Variants in PADI4 observed in about 807,000 individuals in gnomAD.
PADI4 encodes protein-arginine deiminase type-4.
A neutral mutation model predicts 75.0 loss-of-function variants in PADI4; 62 were observed. The observed-to-expected ratio is 0.83, with a 90% CI of 0.67 to 1.02. PADI4 has a LOEUF of 1.02. PADI4 is among the 50% of genes least tolerant of loss of function. PADI4 has a pLI of 0.00. For missense variants in PADI4, 845 were observed against 850.5 expected (o/e 0.99, Z 0.08); for synonymous variants, 361 against 348.1 (o/e 1.04, Z -0.41).
chr1:17,335,945 G>T (rs1005926770), intron 3 of PADI4, among the ~76,000 whole-genome samples: 1 of 152,240 alleles, frequency 6.6e-6, no homozygotes. Context: ...GTGGTCAGAG[G>T]CCCCAGCTCT....
Position 17,363,928 on chromosome 1 carries a change from A to C in PADI4, c.*173A>C. The C allele has an allele frequency of 1.7e-6, 1 of 582,276 alleles. No homozygotes were observed. Among genetic ancestry groups the C allele is most frequent in the Non-Finnish European group, 3.1e-6 (1 of 321,948 alleles). The allele number at this position is 582,276 out of a possible 1,614,324, so 36.1% of individuals were successfully genotyped here. On this transcript the variant is annotated 3_prime_UTR_variant, in exon 16 of 16. Transcript: ENST00000375448. ...CCAGTTTCCCACTCTGAAGATCCCA[A>C]CATGGTCCTAGCACTGCACACTCAG...
Position 17,346,189 on chromosome 1 carries a change from A to C in PADI4, c.1047+50A>C. The C allele has an allele frequency of 8.0e-7, 1 of 1,243,106 alleles. No individual in the cohort carries two copies. The highest frequency in any genetic ancestry group is 1.2e-5 in the South Asian group (1 of 82,278). 77.0% of individuals were successfully genotyped at this position (1,243,106 alleles called of 1,614,324 possible). A position where few individuals can be genotyped will look rare whatever the true frequency, so the allele number is the denominator to read the frequency against. On this transcript the variant is annotated intron_variant, in intron 9 of 15. Coordinates refer to ENST00000375448, the MANE Select transcript of PADI4 (RefSeq NM_012387.3). The surrounding 1 kb of genome is among the most constrained non-coding windows in gnomAD (Gnocchi z 4.3). ...GGTGACTGTCCCTGAGGGCCAAGAG[A>C]CACTTGGGGGACCCGGGCTCCTGGG...
intron 1 of PADI4, among the ~76,000 whole-genome samples, chr1:17,316,724 A>AT (rs1207454621): frequency 6.7e-6 from 1 of 148,966 alleles, no homozygotes; most frequent in African/African-American, 2.5e-5. Flanking sequence ...TTAATTAATT[A>AT]ATTAATTAAA....
Position 17,322,493 on chromosome 1 carries a change from C to CAAAAA in PADI4, c.93-8471_93-8467dup, listed in dbSNP as rs1553143295. 5.4e-3 allele frequency among the ~76,000 whole-genome samples: 811 copies of CAAAAA among 149,602 alleles called. 9 individuals are homozygous for CAAAAA. Among genetic ancestry groups the CAAAAA allele is most frequent in the African/African-American group, 0.019 (779 of 40,678 alleles). On this transcript the variant is annotated intron_variant, in intron 1 of 15. Coordinates refer to ENST00000375448, the MANE Select transcript of PADI4 (RefSeq NM_012387.3). The stretch of plus-strand genomic sequence containing the variant: ...GACAGAGTGAGACTCCATCCCCCCC[C>CAAAAA]AAAAAAAAAGATAAGCTATAAATGT...
chr1:17,339,665 A>C, intron 5 of PADI4, 23 bp from the exon 6 acceptor site: 1 of 1,613,178 alleles, frequency 6.2e-7, no homozygotes, highest in Non-Finnish European at 8.5e-7. Context: ...CCTGTGACTC[A>C]GGCAATGCCC....
intron 1 of PADI4, among the ~76,000 whole-genome samples, chr1:17,309,005 T>C (rs1167405044): frequency 6.6e-6 from 1 of 152,042 alleles, no homozygotes; most frequent in Non-Finnish European, 1.5e-5. Context: ...AAATGCTGAG[T>C]GCCATGCTCT....
chr1:17,329,062 T>C (rs1360564189), intron 1 of PADI4, among the ~76,000 whole-genome samples: 1 of 147,928 alleles, frequency 6.8e-6, no homozygotes, highest in Non-Finnish European at 1.5e-5. Flanking sequence ...ATTAATAAAA[T>C]ATTAATATTA....
chr1:17,337,735 T>C (rs1206858277), intron 4 of PADI4, among the ~76,000 whole-genome samples: 1 of 151,700 alleles, frequency 6.6e-6, no homozygotes, highest in East Asian at 2.0e-4. Flanking sequence ...GCCAACATGG[T>C]GAAATCCCAT....
Position 17,347,920 on chromosome 1 carries a change from C to G in PADI4, c.1048-21C>G, listed in dbSNP as rs184097803. On this transcript the variant is annotated intron_variant, in intron 9 of 15. Coordinates refer to ENST00000375448, the MANE Select transcript of PADI4 (RefSeq NM_012387.3). ...ACCCAGGCAGCACGCGCAACAGCCTCCTCTCCACTCACTCCCACAGGATGA... is the reference window on the plus strand; with the variant it reads ...ACCCAGGCAGCACGCGCAACAGCCTGCTCTCCACTCACTCCCACAGGATGA... 146 of 1,462,188 alleles carry G rather than the reference C, an allele frequency of 1.0e-4. 2 individuals carry two copies. In the African/African-American group the frequency reaches 1.7e-3, roughly 17 times the overall value. 90.6% of individuals were successfully genotyped at this position (1,462,188 alleles called of 1,614,324 possible).
At chr1:17,332,910 G>C (rs2074240062) in intron 2 of PADI4, among the ~76,000 whole-genome samples, 1 of 152,148 alleles carries the variant, frequency 6.6e-6, no homozygotes, top group Admixed American at 6.5e-5. Flanking sequence ...GTTTGACACA[G>C]AGGGGCAGGC....
chr1:17,340,651 G>C (rs1192187158), intron 6 of PADI4, among the ~76,000 whole-genome samples: 1 of 151,976 alleles, frequency 6.6e-6, no homozygotes, highest in African/African-American at 2.4e-5. Context: ...AGGGCAGAGG[G>C]GAAGGGGGAG....
At chr1:17,360,926 A>G (rs1454472892) in intron 15 of PADI4, among the ~76,000 whole-genome samples, 2 of 147,616 alleles carry the variant, frequency 1.4e-5, no homozygotes, top group Non-Finnish European at 3.0e-5. Flanking sequence ...CGTGGCCCCT[A>G]AGTGCTGTCT....
intron 3 of PADI4, chr1:17,334,895 G>T (rs12131500): frequency 0.14 from 35,658 of 252,190 alleles, 2,895 homozygotes; most frequent in African/African-American, 0.24. Flanking sequence ...CAATCCCAGC[G>T]CTTTGGAAGG....
intron 2 of PADI4, among the ~76,000 whole-genome samples, chr1:17,331,530 G>T (rs549730169): frequency 1.3e-5 from 2 of 152,342 alleles, no homozygotes; most frequent in South Asian, 2.1e-4. Context: ...AATTGCAAAT[G>T]ATACTGAGTT....
chr1:17,328,644 C>G (rs1352895266), intron 1 of PADI4, among the ~76,000 whole-genome samples: 1 of 102,282 alleles, frequency 9.8e-6, no homozygotes, highest in Non-Finnish European at 2.2e-5. Context: ...GAGACCCTGT[C>G]TCTAAAAAAA....
chr1:17,354,829 G>T (rs553725978), intron 11 of PADI4, 142 bp downstream of exon 11: 5 of 792,218 alleles, frequency 6.3e-6, no homozygotes, highest in South Asian at 1.9e-5. Context: ...GAATCCAAGC[G>T]CAGGGTGAGG....
intron 9 of PADI4, among the ~76,000 whole-genome samples, chr1:17,347,085 G>A (rs2074530509): frequency 6.6e-6 from 1 of 151,894 alleles, no homozygotes. Flanking sequence ...TTACAGGCAT[G>A]TGCCACCACG....
chr1:17,329,341 A>G (rs114209494), intron 1 of PADI4, among the ~76,000 whole-genome samples: 5,259 of 150,996 alleles, frequency 0.035, 319 homozygotes, highest in African/African-American at 0.12. Flanking sequence ...AAAAAAAAAT[A>G]GTAAATCTTG....
chr1:17,322,557 G>C (rs1406845565), intron 1 of PADI4, among the ~76,000 whole-genome samples: 2 of 152,086 alleles, frequency 1.3e-5, no homozygotes, highest in Non-Finnish European at 2.9e-5. Flanking sequence ...CTGTTTTAGG[G>C]TAAAGATCTT....
Sources: allele counts gnomAD v4.1 joint callset (sites outside exome capture counted in the v4.1 genomes callset), GRCh38; gene constraint gnomAD v4.1.1; non-coding constraint Gnocchi (gnomAD v3.1); transcripts MANE v1.5; gene names NCBI Gene and HGNC (gene_info 2026-07-23, HGNC 2026-07-21).